Variants in ZNF263 observed in about 807,000 individuals in gnomAD.
The protein encoded by ZNF263 is zinc finger protein FPM315.
ZNF263 carries 49 observed loss-of-function variants against 63.1 expected under a neutral mutation model. The observed-to-expected ratio is 0.78, with a 90% confidence interval of 0.62 to 0.99. ZNF263 has a LOEUF of 0.99. Among genes scored for constraint, ZNF263 ranks in the 50% least tolerant of loss-of-function variants. The probability of loss-of-function intolerance (pLI) is 0.00; values close to 1 mark genes in which losing one functional copy is unlikely to be tolerated. For synonymous variants in ZNF263, 352 were observed against 324.2 expected, an observed-to-expected ratio of 1.09 and a Z score of -0.92; for missense variants, 872 against 854.8, an observed-to-expected ratio of 1.02 and a Z score of -0.25.
intron 3 of ZNF263, 64 bp downstream of exon 3, chr16:3,285,818 G>A (rs1410032396): frequency 6.9e-6 from 11 of 1,584,000 alleles, no homozygotes; most frequent in Admixed American, 6.7e-5. Context: ...TGGGGGTGGG[G>A]GTTCTCCATG....
rs774066626 is a variant in ZNF263 at position 3,285,143 on chromosome 16, C to A, written c.472C>A (p.Leu158Met). 1.9e-6 allele frequency: 3 copies of A among 1,614,030 alleles called. No individual in the cohort carries two copies. Among genetic ancestry groups the A allele is most frequent in the African/African-American group, 2.7e-5 (2 of 74,944 alleles). ...ETARESPSFK[L>M]EPMETERSPG... Reference sequence around the variant, plus strand: ...AGCACGAGAGTCACCGAGCTTCAAGCTGGAGCCAATGGAGACTGAGCGAAG... The same window carrying A: ...AGCACGAGAGTCACCGAGCTTCAAGATGGAGCCAATGGAGACTGAGCGAAG... The change falls in exon 2 of 6, where the codon CTG becomes ATG. Residue 158 changes from leucine to methionine, a missense_variant. Physicochemically the swap from Leu to Met is conservative, Grantham distance 15 (BLOSUM62 2). Transcript: ENST00000219069.
In ZNF263 at chr16:3,290,477, A is replaced by T; in HGVS notation, c.1971A>T (p.Arg657Ser). The change falls in exon 6 of 6, where the codon AGA becomes AGT. Residue 657 changes from arginine (R) to serine (S), a missense_variant. Arg to Ser is a moderately radical substitution (Grantham distance 110). Transcript: ENST00000219069. ...ACCTGAGAACGCATACGGGAGAGAG[A>T]CCCTATAAATGTTCTGAATGTGGAG... ...IRHLRTHTGERPYKCSECGES... is the reference protein window; with the variant it reads ...IRHLRTHTGESPYKCSECGES... 1 of 1,613,962 alleles carries T rather than the reference A, an allele frequency of 6.2e-7. No homozygotes were observed. Among genetic ancestry groups the T allele is most frequent in the Non-Finnish European group, 8.5e-7 (1 of 1,179,972 alleles).
downstream of ZNF263, among the ~76,000 whole-genome samples, chr16:3,294,279 T>C (rs1567255942): frequency 6.6e-6 from 1 of 152,222 alleles, no homozygotes. Context: ...GATACTACTT[T>C]GGAATGTGCA....
chr16:3,285,777 C>T (rs780920680), intron 3 of ZNF263, 23 bp downstream of exon 3: 4 of 1,612,768 alleles, frequency 2.5e-6, no homozygotes, highest in African/African-American at 1.3e-5. Context: ...TTTCCATTGT[C>T]TCCCCCCAGC....
chr16:3,291,014 A>C lies in ZNF263; in HGVS notation c.*456A>C. On this transcript the variant is annotated 3_prime_UTR_variant, in exon 6 of 6. Transcript: ENST00000219069. ...GCCAAGTACCCTGGGAAATCAGCTG[A>C]AGGTCAACAAAAGACTGGTTGTGAG... is the stretch of plus-strand genomic sequence containing the variant. The C allele has an allele frequency of 1.0e-6, 1 of 997,664 alleles. No individual in the cohort carries two copies. The highest frequency in any genetic ancestry group is 1.2e-6 in the Non-Finnish European group (1 of 835,748). The allele number at this position is 997,664 out of a possible 1,614,324, so 61.8% of individuals were successfully genotyped here. A position where few individuals can be genotyped will look rare whatever the true frequency, so the allele number is the denominator to read the frequency against.
chr16:3,290,758 G>A lies in ZNF263; in HGVS notation c.*200G>A. ...AGTTCTGTCTGCATGAGAAAGGATGGCAAGTCTCTGAGGTGACCTCAGGGT... is the reference window on the plus strand; with the variant it reads ...AGTTCTGTCTGCATGAGAAAGGATGACAAGTCTCTGAGGTGACCTCAGGGT... On this transcript the variant is annotated 3_prime_UTR_variant, in exon 6 of 6. Transcript: ENST00000219069. The A allele has an allele frequency of 7.2e-7, 1 of 1,390,418 alleles. No individual in the cohort carries two copies. Among genetic ancestry groups the A allele is most frequent in the Non-Finnish European group, 9.3e-7 (1 of 1,075,684 alleles). 86.1% of individuals were successfully genotyped at this position (1,390,418 alleles called of 1,614,324 possible). A position where few individuals can be genotyped will look rare whatever the true frequency, so the allele number is the denominator to read the frequency against.
chr16:3,290,027 G>A lies in ZNF263; in HGVS notation c.1521G>A (p.Arg507=). 6.2e-7 allele frequency: 1 copy of A among 1,614,058 alleles called. No homozygotes were observed. The highest frequency in any genetic ancestry group is 1.1e-5 in the South Asian group (1 of 91,082). ...TTGCTCACAGTTCCAACCTCCTTCG[G>A]CACCAGAGAATTCACACTGGAGAGC... ...EIFAHSSNLL[R]HQRIHTGERP... is the part of the protein sequence containing the mutation. Residue 507 remains arginine, a synonymous_variant, in exon 6 of 6, where the codon CGG becomes CGA. Coordinates refer to ENST00000219069, the MANE Select transcript of ZNF263 (RefSeq NM_005741.5).
At chr16:3,299,132 G>A (rs760069622) in exon 2 of ZNF263, 1 of 1,480,116 alleles carries the variant, frequency 6.8e-7, no homozygotes, top group Non-Finnish European at 8.9e-7. Context: ...TGAAACTCAG[G>A]TGTGGCATCA....
chr16:3,284,059 T>G lies in ZNF263; in HGVS notation c.241T>G (p.Leu81Val), dbSNP rs1171581606. Residue 81 changes from leucine to valine, a missense_variant, in exon 1 of 6, where the codon TTG becomes GTG. Coordinates refer to ENST00000219069, the MANE Select transcript of ZNF263 (RefSeq NM_005741.5). ...RPEMRTKEQI[L>V]ELLVLEQFLT... ...TGAGATGCGCACGAAGGAGCAGATC[T>G]TGGAGCTGCTGGTGTTAGAGCAGTT... 1.2e-6 allele frequency: 2 copies of G among 1,613,682 alleles called. No individual in the cohort carries two copies. The highest frequency in any genetic ancestry group is 1.3e-5 in the African/African-American group (1 of 74,914).
At chr16:3,293,968 C>G (rs1959680312), downstream of ZNF263, among the ~76,000 whole-genome samples, 1 of 152,260 alleles carries the variant, frequency 6.6e-6, no homozygotes, top group African/African-American at 2.4e-5. Context: ...CTCTGTCACC[C>G]AGGCTGGAGT....
intron 2 of ZNF263, chr16:3,300,310 T>TC (rs1959900370): frequency 1.9e-6 from 3 of 1,614,090 alleles, no homozygotes; most frequent in Admixed American, 3.3e-5. Context: ...AGCCTGAAGC[T>TC]CCACGCCTCT....
Position 3,290,497 on chromosome 16 carries a change from G to C in ZNF263, c.1991G>C (p.Cys664Ser). The C allele has an allele frequency of 1.2e-6, 2 of 1,614,036 alleles. No individual in the cohort carries two copies. Among genetic ancestry groups the C allele is most frequent in the Non-Finnish European group, 1.7e-6 (2 of 1,179,988 alleles). The change falls in exon 6 of 6, where the codon TGT (cysteine) becomes TCT (serine). Residue 664 changes from cysteine to serine, a missense_variant. By Grantham distance (112) the Cys-to-Ser change is moderately radical (BLOSUM62 -1). Coordinates refer to ENST00000219069, the MANE Select transcript of ZNF263 (RefSeq NM_005741.5). ...TGERPYKCSE[C>S]GESFSRSSRL... ...GAGAGACCCTATAAATGTTCTGAAT[G>C]TGGAGAAAGCTTCTCTCGGAGTTCC...
downstream of ZNF263, among the ~76,000 whole-genome samples, chr16:3,294,211 C>T (rs2150776175): frequency 6.6e-6 from 1 of 152,336 alleles, no homozygotes; most frequent in South Asian, 2.1e-4. Context: ...AGGCGTGAGC[C>T]ACCGCGCCCC....
chr16:3,290,480 C>T lies in ZNF263; in HGVS notation c.1974C>T (p.Pro658=), dbSNP rs779572733. Residue 658 remains proline, a synonymous_variant, in exon 6 of 6, where the codon CCC becomes CCT. Transcript: ENST00000219069. ...TGAGAACGCATACGGGAGAGAGACC[C>T]TATAAATGTTCTGAATGTGGAGAAA... ...RHLRTHTGER[P]YKCSECGESF... The T allele has an allele frequency of 6.2e-7, 1 of 1,613,954 alleles. No homozygotes were observed. Among genetic ancestry groups the T allele is most frequent in the South Asian group, 1.1e-5 (1 of 91,052 alleles).
At position 3,291,093 on chromosome 16, in the gene ZNF263, C is replaced by G; in HGVS notation, c.*535C>G. The G allele has an allele frequency of 1.0e-6, 1 of 988,988 alleles. No homozygotes were observed. The highest frequency in any genetic ancestry group is 1.2e-6 in the Non-Finnish European group (1 of 831,984). 61.3% of individuals were successfully genotyped at this position (988,988 alleles called of 1,614,324 possible). A position where few individuals can be genotyped will look rare whatever the true frequency, so the allele number is the denominator to read the frequency against. On this transcript the variant is annotated 3_prime_UTR_variant, in exon 6 of 6. Transcript: ENST00000219069. ...GAAGCCATGGGCAGTCCAGATCAAG[C>G]CACCACGTGCCCTACGATGGCCTAA...
chr16:3,285,277 G>T, intron 2 of ZNF263, 38 bp downstream of exon 2: 1 of 1,575,784 alleles, frequency 6.3e-7, no homozygotes, highest in South Asian at 1.1e-5. Flanking sequence ...GAGGGAGGAG[G>T]GGCTTGGGGG....
chr16:3,284,465 A>G (rs1420334700), intron 1 of ZNF263, among the ~76,000 whole-genome samples: 4 of 152,208 alleles, frequency 2.6e-5, no homozygotes, highest in Non-Finnish European at 5.9e-5. Context: ...CAGCGTTCAA[A>G]TCCTCAATCT....
chr16:3,283,760 G>A lies in ZNF263; in HGVS notation c.-59G>A, dbSNP rs1484670556. 1.4e-5 allele frequency: 21 copies of A among 1,494,430 alleles called. No individual in the cohort carries two copies. Among genetic ancestry groups the A allele is most frequent in the Middle Eastern group, 2.5e-4 (1 of 3,938 alleles). 92.6% of individuals were successfully genotyped at this position (1,494,430 alleles called of 1,614,324 possible). On this transcript the variant is annotated 5_prime_UTR_variant, in exon 1 of 6. Coordinates refer to ENST00000219069, the MANE Select transcript of ZNF263 (RefSeq NM_005741.5). ...CGCCGTCCAACCTTACATGGGTTCAGGGCGCCTTCGTAGGCGGGCACGGCT... is the reference window on the plus strand; with the variant it reads ...CGCCGTCCAACCTTACATGGGTTCAAGGCGCCTTCGTAGGCGGGCACGGCT...
Position 3,289,687 on chromosome 16 carries a change from T to G in ZNF263, c.1181T>G (p.Ile394Ser). The G allele has an allele frequency of 6.2e-7, 1 of 1,614,204 alleles. No individual in the cohort carries two copies. Among genetic ancestry groups the G allele is most frequent in the Non-Finnish European group, 8.5e-7 (1 of 1,180,032 alleles). The change falls in exon 6 of 6, where the codon ATT becomes AGT. Residue 394 changes from isoleucine to serine, a missense_variant. Transcript: ENST00000219069. ...AATTTCTCTAACAACTCAAACCTAATTAGGCACCAGAGAATACATGCAGCT... is the reference window on the plus strand; with the variant it reads ...AATTTCTCTAACAACTCAAACCTAAGTAGGCACCAGAGAATACATGCAGCT... ...GKNFSNNSNL[I>S]RHQRIHAAER...
Sources: allele counts gnomAD v4.1 joint callset (sites outside exome capture counted in the v4.1 genomes callset), GRCh38; gene constraint gnomAD v4.1.1; transcripts MANE v1.5; gene names NCBI Gene and HGNC (gene_info 2026-07-23, HGNC 2026-07-21).